The following CDK19 variants were observed in gnomAD, a reference collection of about 807,000 sequenced individuals.
CDK19 encodes the protein cyclin-dependent kinase 19.
In CDK19, 20 loss-of-function variants were observed where a neutral mutation model predicts 68.3. The ratio of observed to expected loss-of-function variants is 0.29; its 90% confidence interval spans 0.21 to 0.43. The LOEUF (loss-of-function observed/expected upper bound fraction) is 0.43, where lower values mean the gene tolerates loss of function less well. Ranked by LOEUF, CDK19 falls within the 20% of genes least tolerant of loss-of-function variation. CDK19 has a pLI of 1.00. For missense variants in CDK19, 339 were observed against 623.5 expected, an observed-to-expected ratio of 0.54 and a Z score of 4.86; for synonymous variants, 221 against 222.8, an observed-to-expected ratio of 0.99 and a Z score of 0.07.
At chr6:110,780,312 C>T (rs1780712551) in intron 1 of CDK19, among the ~76,000 whole-genome samples, 1 of 150,352 alleles carries the variant, frequency 6.7e-6, no homozygotes, top group Non-Finnish European at 1.5e-5. Flanking sequence ...ATCACTTGAA[C>T]CTGGGAGGCA....
At chr6:110,629,985 C>T (rs560722915) in intron 6 of CDK19, among the ~76,000 whole-genome samples, 68 of 152,160 alleles carry the variant, frequency 4.5e-4, no homozygotes, top group African/African-American at 1.5e-3. Context: ...AACTCATATC[C>T]GATTTCATTT....
In CDK19 at chr6:110,780,257, G is replaced by A. The variant is rs187983205; in HGVS notation, c.129-34056C>T. The stretch of plus-strand genomic sequence containing the variant: ...ATACAAAAATTAGCCGGGCGTGGTG[G>A]CATGCACCTGTAATCCTAGCTGCTC... On this transcript the variant is annotated intron_variant, in intron 1 of 12. Transcript: ENST00000368911. Among the ~76,000 whole-genome samples, 827 of 151,398 alleles carry A rather than the reference G, an allele frequency of 5.5e-3. 8 individuals carry two copies. Among genetic ancestry groups the A allele is most frequent in the African/African-American group, 0.02 (806 of 41,296 alleles).
At chr6:110,646,429 C>T in intron 4 of CDK19, 2 of 1,499,216 alleles carry the variant, frequency 1.3e-6, no homozygotes, top group South Asian at 2.6e-5. Context: ...CCTTCCCGCG[C>T]CGCAGCTACC....
At chr6:110,658,596 A>G (rs554190242) in intron 4 of CDK19, among the ~76,000 whole-genome samples, 8 of 152,340 alleles carry the variant, frequency 5.3e-5, no homozygotes, top group Non-Finnish European at 8.8e-5. Context: ...GCAGTTGCTA[A>G]TTGTGATCTC....
intron 1 of CDK19, among the ~76,000 whole-genome samples, chr6:110,753,314 A>T (rs879530096): frequency 2.6e-5 from 4 of 152,178 alleles, no homozygotes; most frequent in Non-Finnish European, 5.9e-5. Flanking sequence ...TTAGTATTTT[A>T]AAAGCTCTAA....
At chr6:110,786,800 G>A (rs1358084151) in intron 1 of CDK19, among the ~76,000 whole-genome samples, 5 of 152,044 alleles carry the variant, frequency 3.3e-5, no homozygotes, top group Non-Finnish European at 1.5e-5. Flanking sequence ...ACAAAGCATT[G>A]ATGGAACCAA....
At chr6:110,794,840 G>A (rs1168742417) in intron 1 of CDK19, among the ~76,000 whole-genome samples, 1 of 151,520 alleles carries the variant, frequency 6.6e-6, no homozygotes, top group East Asian at 1.9e-4. Flanking sequence ...TAAAAATTAA[G>A]AGTAGGAAAT....
intron 4 of CDK19, among the ~76,000 whole-genome samples, chr6:110,666,566 C>G (rs1311849567): frequency 1.3e-5 from 2 of 151,856 alleles, no homozygotes; most frequent in African/African-American, 4.8e-5. Context: ...AGATGAGTAG[C>G]CCTGACTGAC....
intron 2 of CDK19, among the ~76,000 whole-genome samples, chr6:110,702,371 C>A (rs530910026): frequency 6.6e-6 from 1 of 152,084 alleles, no homozygotes; most frequent in Non-Finnish European, 1.5e-5. Context: ...ACTGCTTGAG[C>A]CTGGGTGGTT....
chr6:110,689,439 T>C (rs1202878234), intron 2 of CDK19, among the ~76,000 whole-genome samples: 2 of 152,180 alleles, frequency 1.3e-5, no homozygotes, highest in African/African-American at 4.8e-5. Context: ...CCACCACTAC[T>C]ACCACAGGTG....
At chr6:110,674,973 A>G (rs1771367675) in intron 2 of CDK19, among the ~76,000 whole-genome samples, 1 of 151,976 alleles carries the variant, frequency 6.6e-6, no homozygotes, top group Non-Finnish European at 1.5e-5. Flanking sequence ...GAAGGCTGAG[A>G]GAGGTGGGGA....
At chr6:110,673,402 A>G (rs1259019104) in intron 2 of CDK19, among the ~76,000 whole-genome samples, 2 of 152,140 alleles carry the variant, frequency 1.3e-5, no homozygotes, top group Non-Finnish European at 2.9e-5. Flanking sequence ...AATGTTCTCT[A>G]TATATTGGTG....
At chr6:110,644,787 T>A (rs1582762138) in intron 4 of CDK19, among the ~76,000 whole-genome samples, 1 of 146,538 alleles carries the variant, frequency 6.8e-6, no homozygotes, top group African/African-American at 2.5e-5. Context: ...ACAGAGGAGG[T>A]GAAGGGGGCC....
chr6:110,702,630 A>G (rs1322678549), intron 2 of CDK19, among the ~76,000 whole-genome samples: 1 of 152,182 alleles, frequency 6.6e-6, no homozygotes, highest in African/African-American at 2.4e-5. Context: ...CTGACCAAAA[A>G]TAAAAATAAA....
At chr6:110,790,102 A>C (rs184190662) in intron 1 of CDK19, among the ~76,000 whole-genome samples, 58 of 152,348 alleles carry the variant, frequency 3.8e-4, no homozygotes, top group African/African-American at 1.3e-3. Context: ...GATATTAAGG[A>C]AGGCATTGTA....
At chr6:110,764,360 A>G (rs978955677) in intron 1 of CDK19, among the ~76,000 whole-genome samples, 1 of 152,250 alleles carries the variant, frequency 6.6e-6, no homozygotes, top group African/African-American at 2.4e-5. Context: ...AAGACTTATT[A>G]TAAAGCCACA....
chr6:110,761,888 A>T (rs1779255901), intron 1 of CDK19, among the ~76,000 whole-genome samples: 1 of 152,118 alleles, frequency 6.6e-6, no homozygotes, highest in African/African-American at 2.4e-5. Context: ...TAACCAACTG[A>T]GATATGGAGA....
chr6:110,767,694 T>C (rs1185268591), intron 1 of CDK19, among the ~76,000 whole-genome samples: 1 of 151,990 alleles, frequency 6.6e-6, no homozygotes, highest in Non-Finnish European at 1.5e-5. Flanking sequence ...CACAAATAAA[T>C]GATAAATGTT....
intron 1 of CDK19, among the ~76,000 whole-genome samples, chr6:110,756,480 T>G (rs1778846190): frequency 1.3e-5 from 2 of 151,646 alleles, no homozygotes; most frequent in African/African-American, 4.8e-5. Context: ...GAAGATCACT[T>G]GAGCCAGGAA....
Sources: gnomAD v4.1 joint callset for allele counts (sites outside exome capture counted in the v4.1 genomes callset) on GRCh38, gnomAD v4.1.1 for gene constraint, MANE v1.5 for transcripts, NCBI Gene and HGNC (gene_info 2026-07-23, HGNC 2026-07-21) for gene names.